SCN1A: variants seen among roughly 807,000 people sequenced by gnomAD.
The protein encoded by SCN1A is sodium channel protein type 1 subunit alpha.
SCN1A carries 13 observed loss-of-function variants against 193.7 expected under a neutral mutation model. The observed-to-expected ratio is 0.07, with a 90% CI of 0.04 to 0.11. The LOEUF (loss-of-function observed/expected upper bound fraction) is 0.11. SCN1A is among the 10% of genes least tolerant of loss of function. The pLI, the probability that SCN1A is intolerant of heterozygous loss-of-function variation, is 1.00. For synonymous variants in SCN1A, 781 were observed against 843.6 expected, an observed-to-expected ratio of 0.93 and a Z score of 1.29; for missense variants, 1,432 against 2,451.1, an observed-to-expected ratio of 0.58 and a Z score of 8.78.
intron 24 of SCN1A, among the ~76,000 whole-genome samples, chr2:166,001,877 CTCT>C (rs1690900499): frequency 8.9e-6 from 1 of 112,966 alleles, no homozygotes; most frequent in Non-Finnish European, 1.8e-5. Flanking sequence ...ATAATTCTCT[CTCT>C]TTTTTTTTTT....
intron 19 of SCN1A, among the ~76,000 whole-genome samples, chr2:166,019,241 C>A (rs1217896715): frequency 1.3e-5 from 2 of 152,016 alleles, no homozygotes; most frequent in Non-Finnish European, 2.9e-5. Flanking sequence ...TGATCAAATG[C>A]CCTTATTAGC....
chr2:166,014,042 C>T (rs1009077624), intron 20 of SCN1A, 144 bp from the exon 21 acceptor site: 2 of 934,820 alleles, frequency 2.1e-6, no homozygotes, highest in Non-Finnish European at 3.3e-6. Flanking sequence ...AGTAAGAGCA[C>T]ATTCATCAGC....
intron 2 of SCN1A, among the ~76,000 whole-genome samples, chr2:166,116,923 G>T (rs1689934534): frequency 6.6e-6 from 1 of 152,114 alleles, no homozygotes; most frequent in Non-Finnish European, 1.5e-5. Flanking sequence ...AGTTATGCAG[G>T]TCTTCAAAAT....
intron 19 of SCN1A, among the ~76,000 whole-genome samples, chr2:166,022,814 G>A (rs1372658966): frequency 6.6e-6 from 1 of 152,180 alleles, no homozygotes; most frequent in Non-Finnish European, 1.5e-5. Context: ...CAGGCTTACA[G>A]AAGCAGCAAA....
At chr2:166,012,037 C>A in intron 22 of SCN1A, 72 bp downstream of exon 22, 1 of 1,360,034 alleles carries the variant, frequency 7.4e-7, no homozygotes, top group Non-Finnish European at 1.0e-6. Flanking sequence ...GTCTGAGACT[C>A]ACTATTGTAG....
At position 165,990,387 on chromosome 2, in the gene SCN1A, T is replaced by C. The variant is rs1030109664; in HGVS notation, c.*858A>G. ...AGAGTAATTTTGGTCAATTCAGTCT[T>C]CTGGCGGTGGAGGGTGAGGGGCAAT... On this transcript the variant is annotated 3_prime_UTR_variant, in exon 29 of 29. Coordinates refer to ENST00000674923, the MANE Select transcript of SCN1A (RefSeq NM_001165963.4). 3.3e-5 allele frequency: 5 copies of C among 152,298 alleles called. No homozygotes were observed. The highest frequency in any genetic ancestry group is 1.2e-4 in the African/African-American group (5 of 41,376). The allele number at this position is 152,298 out of a possible 1,614,324, so 9.4% of individuals were successfully genotyped here.
chr2:166,079,095 A>G (rs894605499), intron 2 of SCN1A, among the ~76,000 whole-genome samples: 3 of 151,642 alleles, frequency 2.0e-5, no homozygotes, highest in Non-Finnish European at 4.4e-5. Flanking sequence ...AAAGCAGTAG[A>G]GTTCATTATG....
At position 165,987,828 on chromosome 2, in the gene SCN1A, A is replaced by AT. The variant is rs1483982453; in HGVS notation, c.*3416_*3417insA. On this transcript the variant is annotated 3_prime_UTR_variant, in exon 29 of 29. Coordinates refer to ENST00000674923, the MANE Select transcript of SCN1A (RefSeq NM_001165963.4). Reference sequence around the variant, plus strand: ...TTCTTCTCTTTGTATTTGGAAAGGTAACAGTGAGTAATGGCGTGGATGGGT... The same window carrying AT: ...TTCTTCTCTTTGTATTTGGAAAGGTATACAGTGAGTAATGGCGTGGATGGGT... 1.6e-4 allele frequency: 25 copies of AT among 152,280 alleles called. 1 individual carries two copies. The highest frequency in any genetic ancestry group is 2.4e-4 in the Non-Finnish European group (16 of 68,002). 9.4% of individuals were successfully genotyped at this position (152,280 alleles called of 1,614,324 possible). A position where few individuals can be genotyped will look rare whatever the true frequency, so the allele number is the denominator to read the frequency against.
intron 2 of SCN1A, among the ~76,000 whole-genome samples, chr2:166,118,611 A>G (rs190716675): frequency 6.6e-6 from 1 of 152,000 alleles, no homozygotes; most frequent in South Asian, 2.1e-4. Context: ...ACACACTGAC[A>G]TACATAGCCC....
At chr2:166,058,124 T>A (rs186312471) in intron 5 of SCN1A, among the ~76,000 whole-genome samples, 17 of 152,188 alleles carry the variant, frequency 1.1e-4, no homozygotes, top group African/African-American at 4.1e-4. Context: ...GAAAATATAC[T>A]TAAAGGTTTA....
intron 22 of SCN1A, among the ~76,000 whole-genome samples, chr2:166,010,731 T>A (rs1318109136): frequency 6.6e-6 from 1 of 151,156 alleles, no homozygotes; most frequent in African/African-American, 2.4e-5. Context: ...ATTAATTGTA[T>A]CATATTTAAT....
At chr2:166,078,638 A>G (rs1685206430) in intron 2 of SCN1A, among the ~76,000 whole-genome samples, 1 of 151,776 alleles carries the variant, frequency 6.6e-6, no homozygotes, top group Admixed American at 6.6e-5. Context: ...GAATAAACCA[A>G]AAGTAAATAT....
At chr2:166,079,706 A>C (rs1481099000) in intron 2 of SCN1A, among the ~76,000 whole-genome samples, 2 of 151,126 alleles carry the variant, frequency 1.3e-5, no homozygotes, top group African/African-American at 4.8e-5. Context: ...CCTGGTCACT[A>C]GCTATCATTT....
At chr2:166,116,417 GCTC>G (rs1449740807) in intron 2 of SCN1A, among the ~76,000 whole-genome samples, 1 of 152,144 alleles carries the variant, frequency 6.6e-6, no homozygotes, top group Admixed American at 6.5e-5. Context: ...GATATGTGCA[GCTC>G]ATATTACAGT....
In SCN1A at chr2:166,051,739, T is replaced by C; in HGVS notation, c.944A>G (p.Lys315Arg). The change falls in exon 9 of 29, where the codon AAG (lysine) becomes AGG (arginine). Residue 315 changes from lysine (K) to arginine (R), a missense_variant. By Grantham distance (26) the Lys-to-Arg change is conservative (BLOSUM62 2). Transcript: ENST00000674923. ...CTTACTTGAATCTTGAATATATGAC[T>C]TCCAGTCAAACTCAAAGACAGTTTC... Reference protein sequence around the residue: ...INETVFEFDWKSYIQDSRYHY... With the variant: ...INETVFEFDWRSYIQDSRYHY... 1 of 1,604,256 alleles carries C rather than the reference T, an allele frequency of 6.2e-7. No homozygotes were observed. Among genetic ancestry groups the C allele is most frequent in the Non-Finnish European group, 8.5e-7 (1 of 1,171,984 alleles).
chr2:166,144,901 G>C (rs615759), intron 1 of SCN1A, among the ~76,000 whole-genome samples: 1 of 150,674 alleles, frequency 6.6e-6, no homozygotes, highest in Admixed American at 6.6e-5. Flanking sequence ...GCCCAGGCTA[G>C]AGTGCAGTGG....
chr2:166,041,454 C>T lies in SCN1A; in HGVS notation c.2192G>A (p.Arg731Lys). The change falls in exon 16 of 29, where the codon AGG (arginine) becomes AAG (lysine). Residue 731 changes from arginine (R) to lysine (K), a missense_variant. Transcript: ENST00000674923. ...TNTVEELEES[R>K]QKCPPCWYKF... Reference sequence around the variant, plus strand: ...ATACCAACAGGGTGGGCATTTCTGCCTGGATTCTTCAAGTTCTAGATTAAG... The same window carrying T: ...ATACCAACAGGGTGGGCATTTCTGCTTGGATTCTTCAAGTTCTAGATTAAG... 1.3e-6 allele frequency: 2 copies of T among 1,587,238 alleles called. No homozygotes were observed. The highest frequency in any genetic ancestry group is 1.7e-6 in the Non-Finnish European group (2 of 1,161,272).
chr2:166,049,649 C>T (rs1393888310), intron 9 of SCN1A, among the ~76,000 whole-genome samples: 1 of 151,964 alleles, frequency 6.6e-6, no homozygotes, highest in African/African-American at 2.4e-5. Context: ...ATGTCCAGTT[C>T]TTCTATAACT....
intron 2 of SCN1A, among the ~76,000 whole-genome samples, chr2:166,107,386 A>G (rs934772481): frequency 6.6e-6 from 1 of 152,202 alleles, no homozygotes; most frequent in Non-Finnish European, 1.5e-5. Flanking sequence ...TTGCTGAATT[A>G]ATTAATAAAA....
Sources: allele counts gnomAD v4.1 joint callset (sites outside exome capture counted in the v4.1 genomes callset), GRCh38; gene constraint gnomAD v4.1.1; transcripts MANE v1.5; gene names NCBI Gene and HGNC (gene_info 2026-07-23, HGNC 2026-07-21).